The following TSHZ2 variants were observed in gnomAD, a reference collection of about 807,000 sequenced individuals.
The protein encoded by TSHZ2 is teashirt homolog 2.
TSHZ2 carries 21 observed loss-of-function variants against 74.4 expected under a neutral mutation model. That is an observed-to-expected ratio of 0.28 (90% CI 0.20 to 0.41). The LOEUF is 0.41. Among genes scored for constraint, TSHZ2 ranks in the 10% least tolerant of loss-of-function variants. TSHZ2 has a pLI of 1.00. For synonymous variants in TSHZ2, 540 were observed against 515.3 expected, an observed-to-expected ratio of 1.05 and a Z score of -0.65; for missense variants, 1,244 against 1,293.5, an observed-to-expected ratio of 0.96 and a Z score of 0.59.
chr20:53,395,628 A>T (rs1982416894), intron 2 of TSHZ2, among the ~76,000 whole-genome samples: 1 of 152,236 alleles, frequency 6.6e-6, no homozygotes. Context: ...GCCAATTCAA[A>T]CTTCCCTTCC....
intron 2 of TSHZ2, among the ~76,000 whole-genome samples, chr20:53,481,521 C>T (rs981001527): frequency 5.3e-5 from 8 of 151,142 alleles, no homozygotes; most frequent in Non-Finnish European, 1.2e-4. Context: ...TTGCAGTGAA[C>T]AAAGATCATG....
At position 53,237,736 on chromosome 20, in the gene TSHZ2, C is replaced by T. The variant is rs150330325; in HGVS notation, c.41-15763C>T. Among the ~76,000 whole-genome samples the T allele has an allele frequency of 6.4e-4, 98 of 152,188 alleles. 1 individual carries two copies. In the East Asian group the frequency reaches 0.017, roughly 27 times the overall value. On this transcript the variant is annotated intron_variant, in intron 1 of 2. Coordinates refer to ENST00000371497, the MANE Select transcript of TSHZ2 (RefSeq NM_173485.6). ...ATTTAGAGACATTTTGAAAATGCTG[C>T]TATTTACTCAACCGACTGTGTATAT...
At chr20:53,026,589 ACAAAAAGATGTT>A (rs1305485141) in intron 1 of TSHZ2, among the ~76,000 whole-genome samples, 1 of 152,114 alleles carries the variant, frequency 6.6e-6, no homozygotes, top group East Asian at 1.9e-4. Context: ...TCATACATCC[ACAAAAAGATGTT>A]TATTGTGGCA....
At chr20:53,460,180 A>G (rs1014445891) in intron 2 of TSHZ2, among the ~76,000 whole-genome samples, 7 of 151,812 alleles carry the variant, frequency 4.6e-5, no homozygotes, top group South Asian at 2.1e-4. Flanking sequence ...TCTCCCCATC[A>G]CTTTCAGGTA....
intron 2 of TSHZ2, among the ~76,000 whole-genome samples, chr20:53,370,765 AAAAAC>A (rs767310295): frequency 6.6e-6 from 1 of 152,198 alleles, no homozygotes; most frequent in Non-Finnish European, 1.5e-5. Flanking sequence ...CCTTATCTCA[AAAAAC>A]AAAACAAAAC....
At chr20:53,206,997 G>A (rs997754708) in intron 1 of TSHZ2, among the ~76,000 whole-genome samples, 35 of 152,248 alleles carry the variant, frequency 2.3e-4, no homozygotes, top group Middle Eastern at 3.4e-3. Flanking sequence ...TCAGTTTGCG[G>A]TGCCTTTCAG....
chr20:53,471,430 C>CT (rs1474141377), intron 2 of TSHZ2, among the ~76,000 whole-genome samples: 1 of 152,054 alleles, frequency 6.6e-6, no homozygotes, highest in African/African-American at 2.4e-5. Context: ...CAGGCAGGCA[C>CT]TAAACTCAAA....
chr20:53,269,918 C>T (rs769052311), intron 2 of TSHZ2, among the ~76,000 whole-genome samples: 6 of 152,082 alleles, frequency 3.9e-5, no homozygotes, highest in Non-Finnish European at 8.8e-5. Context: ...GTGAAAGGAA[C>T]CTCTTCTTTT....
intron 1 of TSHZ2, among the ~76,000 whole-genome samples, chr20:53,067,546 C>A (rs1440202007): frequency 6.6e-6 from 1 of 152,206 alleles, no homozygotes; most frequent in African/African-American, 2.4e-5. Flanking sequence ...CAAAAATATA[C>A]ATTTAGCAAA....
At chr20:53,050,744 G>A (rs1271075761) in intron 1 of TSHZ2, among the ~76,000 whole-genome samples, 2 of 152,186 alleles carry the variant, frequency 1.3e-5, no homozygotes, top group East Asian at 1.9e-4. Context: ...ATCTTTATAG[G>A]AGATCCAACC....
intron 1 of TSHZ2, among the ~76,000 whole-genome samples, chr20:53,002,844 A>G (rs1316117752): frequency 6.6e-6 from 1 of 152,118 alleles, no homozygotes; most frequent in Non-Finnish European, 1.5e-5. Context: ...GTGAGCAGTT[A>G]TCTCAGTTTT....
At chr20:53,111,433 C>T (rs573200711) in intron 1 of TSHZ2, among the ~76,000 whole-genome samples, 208 of 152,308 alleles carry the variant, frequency 1.4e-3, no homozygotes, top group Non-Finnish European at 2.3e-3. Flanking sequence ...TGATCCCTGT[C>T]ATTCTCATTC....
chr20:53,035,027 G>A (rs1054780250), intron 1 of TSHZ2, among the ~76,000 whole-genome samples: 1 of 152,164 alleles, frequency 6.6e-6, no homozygotes, highest in African/African-American at 2.4e-5. Flanking sequence ...AATTATCACT[G>A]GAACAAAGAG....
intron 1 of TSHZ2, among the ~76,000 whole-genome samples, chr20:53,206,258 A>G (rs1040271209): frequency 6.6e-6 from 1 of 152,200 alleles, no homozygotes; most frequent in African/African-American, 2.4e-5. Flanking sequence ...AAAGACACAC[A>G]TAGCAGTCAC....
At chr20:53,036,118 T>A (rs1328212857) in intron 1 of TSHZ2, among the ~76,000 whole-genome samples, 1 of 152,212 alleles carries the variant, frequency 6.6e-6, no homozygotes, top group East Asian at 1.9e-4. Context: ...AATATGCTAT[T>A]GTGTGCAGAG....
chr20:53,199,769 A>C (rs1988955046), intron 1 of TSHZ2, among the ~76,000 whole-genome samples: 1 of 152,190 alleles, frequency 6.6e-6, no homozygotes, highest in Non-Finnish European at 1.5e-5. Flanking sequence ...AACTGGGCAA[A>C]GGTGTGTGTA....
In TSHZ2 at chr20:53,064,826, G is replaced by A. The variant is rs977720231; in HGVS notation, c.40+91493G>A. Among the ~76,000 whole-genome samples, 3 of 152,070 alleles carry A rather than the reference G, an allele frequency of 2.0e-5. No homozygotes were observed. In the East Asian group the frequency reaches 5.8e-4, roughly 29 times the overall value. On this transcript the variant is annotated intron_variant, in intron 1 of 2. Coordinates refer to ENST00000371497, the MANE Select transcript of TSHZ2 (RefSeq NM_173485.6). The stretch of plus-strand genomic sequence containing the variant: ...GATATCTGGACTTTTGACTCATCCT[G>A]CCTTTAAGATATGATACTATCAAAT...
intron 1 of TSHZ2, among the ~76,000 whole-genome samples, chr20:53,124,101 C>A (rs1041080140): frequency 6.6e-6 from 1 of 152,168 alleles, no homozygotes; most frequent in African/African-American, 2.4e-5. Context: ...TCCCTTTTAG[C>A]GTCAGCCAGT....
At chr20:52,973,458 T>G in intron 1 of TSHZ2, 125 bp downstream of exon 1, 1 of 1,244,664 alleles carries the variant, frequency 8.0e-7, no homozygotes, top group East Asian at 2.6e-5. Context: ...CCGGGTGCCC[T>G]TCTAATAACC....
Sources: gnomAD v4.1 joint callset for allele counts (sites outside exome capture counted in the v4.1 genomes callset) on GRCh38, gnomAD v4.1.1 for gene constraint, MANE v1.5 for transcripts, NCBI Gene and HGNC (gene_info 2026-07-23, HGNC 2026-07-21) for gene names.